The following TNFRSF19 variants were observed in gnomAD, a reference collection of about 807,000 sequenced individuals.
TNFRSF19 encodes TNF receptor superfamily member 19.
Under a neutral mutation model 46.4 loss-of-function variants are expected in TNFRSF19, and 27 were observed. That is an observed-to-expected ratio of 0.58 (90% CI 0.43 to 0.80). The LOEUF (loss-of-function observed/expected upper bound fraction) is 0.80, where lower values mean the gene tolerates loss of function less well. Ranked by LOEUF, TNFRSF19 falls within the 30% of genes least tolerant of loss-of-function variation. TNFRSF19 has a pLI of 0.00. For missense variants in TNFRSF19, 511 were observed against 530.8 expected, an observed-to-expected ratio of 0.96 and a Z score of 0.37; for synonymous variants, 204 against 205.0, an observed-to-expected ratio of 1.00 and a Z score of 0.04.
chr13:23,651,981 T>C (rs1883681249), intron 5 of TNFRSF19, among the ~76,000 whole-genome samples: 1 of 151,542 alleles, frequency 6.6e-6, no homozygotes, highest in African/African-American at 2.4e-5. Flanking sequence ...AATGGTTGTT[T>C]GGCATTAAAA....
rs138934852 is a variant in TNFRSF19 at position 23,667,899 on chromosome 13, C to T, written c.737-81C>T. 3.3e-4 allele frequency: 388 copies of T among 1,181,654 alleles called. 1 individual carries two copies. The highest frequency in any genetic ancestry group is 2.2e-3 in the East Asian group (77 of 35,292). The allele number at this position is 1,181,654 out of a possible 1,614,324, so 73.2% of individuals were successfully genotyped here. ...ACCCAAAGGGAAACATCTAAATTTC[C>T]GAGAGCAGTGTTGAAGTGTTATTAA... is the stretch of plus-strand genomic sequence containing the variant. On this transcript the variant is annotated intron_variant, in intron 7 of 9. Coordinates refer to ENST00000248484, the MANE Select transcript of TNFRSF19 (RefSeq NM_148957.4).
chr13:23,668,083 G>T lies in TNFRSF19; in HGVS notation c.839+1G>T. 1 of 1,598,884 alleles carries T rather than the reference G, an allele frequency of 6.3e-7. No individual in the cohort carries two copies. Among genetic ancestry groups the T allele is most frequent in the Non-Finnish European group, 8.5e-7 (1 of 1,172,890 alleles). On this transcript the variant is annotated splice_donor_variant, in intron 8 of 9. Coordinates refer to ENST00000248484, the MANE Select transcript of TNFRSF19 (RefSeq NM_148957.4). LOFTEE classifies it high-confidence loss of function. Reference sequence around the variant, plus strand: ...ATTCTGCAGCCAGTCTTCAGGCAAGGTAACTAGGTGCTTTCAATCAATCAT... The same window carrying T: ...ATTCTGCAGCCAGTCTTCAGGCAAGTTAACTAGGTGCTTTCAATCAATCAT...
At chr13:23,635,296 A>T (rs1273948485) in intron 5 of TNFRSF19, among the ~76,000 whole-genome samples, 1 of 152,234 alleles carries the variant, frequency 6.6e-6, no homozygotes, top group African/African-American at 2.4e-5. Context: ...TGAAAAGGGC[A>T]TTAGAAAGTT....
In TNFRSF19 at chr13:23,674,393, G is replaced by T. The variant is rs1951798264; in HGVS notation, c.*1013G>T. The T allele has an allele frequency of 6.6e-6, 1 of 152,206 alleles. No homozygotes were observed. Among genetic ancestry groups the T allele is most frequent in the African/African-American group, 2.4e-5 (1 of 41,442 alleles). The allele number at this position is 152,206 out of a possible 1,614,324, so 9.4% of individuals were successfully genotyped here. ...AGGACTAGAAGAAAATGCACAATTT[G>T]TAGGGGTTTGGATGAAGCAGCTGTA... On this transcript the variant is annotated 3_prime_UTR_variant, in exon 10 of 10. Coordinates refer to ENST00000248484, the MANE Select transcript of TNFRSF19 (RefSeq NM_148957.4).
At chr13:23,655,607 T>G (rs1409647964) in intron 5 of TNFRSF19, among the ~76,000 whole-genome samples, 1 of 152,218 alleles carries the variant, frequency 6.6e-6, no homozygotes, top group Non-Finnish European at 1.5e-5. Flanking sequence ...TCAGTATCAT[T>G]GCCACAGGTT....
chr13:23,640,223 A>G (rs1882951168), intron 5 of TNFRSF19, among the ~76,000 whole-genome samples: 1 of 152,194 alleles, frequency 6.6e-6, no homozygotes, highest in Non-Finnish European at 1.5e-5. Context: ...ACAGGGAACC[A>G]GTCCCGTATC....
intron 7 of TNFRSF19, among the ~76,000 whole-genome samples, chr13:23,667,433 G>A (rs1473811092): frequency 6.6e-6 from 1 of 152,132 alleles, no homozygotes; most frequent in Non-Finnish European, 1.5e-5. Context: ...TCATGCTCTC[G>A]TCTGTGTTAG....
At position 23,659,315 on chromosome 13, in the gene TNFRSF19, C is replaced by T; in HGVS notation, c.610+101C>T. 2 of 1,324,718 alleles carry T rather than the reference C, an allele frequency of 1.5e-6. No individual in the cohort carries two copies. Among genetic ancestry groups the T allele is most frequent in the Non-Finnish European group, 2.1e-6 (2 of 967,066 alleles). 82.1% of individuals were successfully genotyped at this position (1,324,718 alleles called of 1,614,324 possible). ...CAAGAGACTTGGCTGAGACAAGCAC[C>T]AGTGAGTTGTGAAAGAACGCAGGGC... On this transcript the variant is annotated intron_variant, in intron 6 of 9. Coordinates refer to ENST00000248484, the MANE Select transcript of TNFRSF19 (RefSeq NM_148957.4). The surrounding 1 kb of genome is among the most constrained non-coding windows in gnomAD (Gnocchi z 4.9).
chr13:23,647,116 T>G (rs957820406), intron 5 of TNFRSF19, among the ~76,000 whole-genome samples: 2 of 152,210 alleles, frequency 1.3e-5, no homozygotes, highest in African/African-American at 4.8e-5. Context: ...TTGTCTACTT[T>G]TGAATTTGTT....
intron 5 of TNFRSF19, among the ~76,000 whole-genome samples, chr13:23,647,284 A>G (rs1883389260): frequency 6.6e-6 from 1 of 152,192 alleles, no homozygotes; most frequent in Non-Finnish European, 1.5e-5. Flanking sequence ...TTTAATTTTT[A>G]TAAAGTCCGA....
intron 5 of TNFRSF19, among the ~76,000 whole-genome samples, chr13:23,644,285 T>A (rs1883195976): frequency 1.3e-5 from 2 of 152,172 alleles, no homozygotes; most frequent in Non-Finnish European, 2.9e-5. Flanking sequence ...GTAGTTCCCA[T>A]AATCTCCACA....
chr13:23,613,374 C>T lies in TNFRSF19; in HGVS notation c.181-2493C>T, dbSNP rs3794354. On this transcript the variant is annotated intron_variant, in intron 3 of 9. Coordinates refer to ENST00000248484, the MANE Select transcript of TNFRSF19 (RefSeq NM_148957.4). Reference sequence around the variant, plus strand: ...AGAATTCCCAAAATAACTTGGCCAACAAGTGGCAGAGCTGGCATTCAAACT... The same window carrying T: ...AGAATTCCCAAAATAACTTGGCCAATAAGTGGCAGAGCTGGCATTCAAACT... Among the ~76,000 whole-genome samples the T allele has an allele frequency of 7.7e-3, 1,179 of 152,318 alleles. 27 individuals carry two copies. The highest frequency in any genetic ancestry group is 0.076 in the East Asian group (392 of 5,174).
chr13:23,594,481 C>A, intron 3 of TNFRSF19: 1 of 198,464 alleles, frequency 5.0e-6, no homozygotes, highest in South Asian at 6.4e-5. Flanking sequence ...GTAAACAAAG[C>A]CACCTGGAAG....
At chr13:23,613,277 A>G (rs772101224) in intron 3 of TNFRSF19, among the ~76,000 whole-genome samples, 26 of 152,334 alleles carry the variant, frequency 1.7e-4, no homozygotes, top group Non-Finnish European at 3.1e-4. Context: ...ATGCATTCCC[A>G]TTTATTCCTC....
Position 23,659,111 on chromosome 13 carries a change from G to A in TNFRSF19, c.507G>A (p.Ala169=), listed in dbSNP as rs749136282. The change falls in exon 6 of 10, where the codon GCG becomes GCA. Residue 169 remains alanine (A), a synonymous_variant. Transcript: ENST00000248484. This position sits in a 1 kb window ranked among gnomAD's most constrained non-coding sequence, Gnocchi z 4.9. ...CGGCCTCCAGCCCACGGGACACGGC[G>A]CTGGCTGCCGTTATCTGCAGCGCTC... The part of the protein sequence containing the change: ...ASTASSPRDT[A]LAAVICSALA... 14 of 1,613,750 alleles carry A rather than the reference G, an allele frequency of 8.7e-6. No individual in the cohort carries two copies. Among genetic ancestry groups the A allele is most frequent in the Admixed American group, 3.3e-5 (2 of 60,006 alleles).
chr13:23,629,619 G>C (rs1344516063), intron 5 of TNFRSF19, among the ~76,000 whole-genome samples: 1 of 152,202 alleles, frequency 6.6e-6, no homozygotes, highest in Admixed American at 6.5e-5. Context: ...TTCACATCTT[G>C]GCTGCGCTTT....
Position 23,615,879 on chromosome 13 carries a change from G to A in TNFRSF19, c.193G>A (p.Gly65Ser), listed in dbSNP as rs747790269. The change falls in exon 4 of 10, where the codon GGC becomes AGC. Residue 65 changes from glycine (G) to serine (S), a missense_variant. Gly to Ser is a moderately conservative substitution (Grantham distance 56). This residue lies in a region of TNFRSF19 where 121 missense variants were observed against 124.1 expected (regional missense o/e 0.98). Coordinates refer to ENST00000248484, the MANE Select transcript of TNFRSF19 (RefSeq NM_148957.4). ...TTAATCCCCACAGGAATGTGGCTTC[G>A]GCTATGGGGAGGATGCACAGTGTGT... The part of the protein sequence containing the change: ...GMELSKECGF[G>S]YGEDAQCVTC... 1.2e-5 allele frequency: 20 copies of A among 1,602,322 alleles called. No homozygotes were observed. The highest frequency in any genetic ancestry group is 6.7e-5 in the African/African-American group (5 of 74,578).
chr13:23,589,971 A>G (rs1879140415), intron 1 of TNFRSF19, among the ~76,000 whole-genome samples, 179 bp from the exon 2 acceptor site: 1 of 152,180 alleles, frequency 6.6e-6, no homozygotes, highest in East Asian at 1.9e-4. Flanking sequence ...TTCTCATAAT[A>G]TGAGTTATAA....
At chr13:23,611,454 C>T (rs1777486899) in intron 3 of TNFRSF19, among the ~76,000 whole-genome samples, 1 of 152,160 alleles carries the variant, frequency 6.6e-6, no homozygotes, top group African/African-American at 2.4e-5. Flanking sequence ...GGTGACCAGG[C>T]ATCACCTGGG....
Sources: gnomAD v4.1 joint callset for allele counts (sites outside exome capture counted in the v4.1 genomes callset) on GRCh38, gnomAD v4.1.1 for gene constraint, gnomAD v4.1.1 regional missense constraint, Gnocchi (gnomAD v3.1) non-coding constraint, MANE v1.5 for transcripts, NCBI Gene and HGNC (gene_info 2026-07-23, HGNC 2026-07-21) for gene names.